The following TMEM117 variants were observed in gnomAD, a reference collection of about 807,000 sequenced individuals.
TMEM117 encodes the protein transmembrane protein 117.
A neutral mutation model predicts 52.4 loss-of-function variants in TMEM117; 27 were observed. That is an observed-to-expected ratio of 0.51 (90% CI 0.38 to 0.71). TMEM117 has a LOEUF of 0.71. TMEM117 is among the 30% of genes least tolerant of loss of function. The pLI, the probability that TMEM117 is intolerant of heterozygous loss-of-function variation, is 0.00. For missense variants in TMEM117, 556 were observed against 630.5 expected (o/e 0.88, Z 1.26); for synonymous variants, 215 against 206.3 (o/e 1.04, Z -0.36).
chr12:44,215,729 T>A (rs199618577), intron 5 of TMEM117, among the ~76,000 whole-genome samples: 18,463 of 147,080 alleles, frequency 0.13, 2,922 homozygotes, highest in African/African-American at 0.37. Context: ...TAGCTTTTTT[T>A]AAAAAAAAAA....
intron 5 of TMEM117, among the ~76,000 whole-genome samples, chr12:44,263,200 A>G (rs1029406504): frequency 2.0e-5 from 3 of 152,194 alleles, no homozygotes; most frequent in Non-Finnish European, 4.4e-5. Context: ...TTTCTCAGAA[A>G]TCTGCTTCTC....
chr12:44,105,795 A>G (rs1388657693), intron 3 of TMEM117, among the ~76,000 whole-genome samples: 1 of 152,064 alleles, frequency 6.6e-6, no homozygotes, highest in Non-Finnish European at 1.5e-5. Context: ...TAGGCATCAT[A>G]AAACAGTTTC....
intron 2 of TMEM117, among the ~76,000 whole-genome samples, chr12:43,858,391 C>G (rs140722096): frequency 6.6e-6 from 1 of 152,296 alleles, no homozygotes; most frequent in Non-Finnish European, 1.5e-5. Context: ...TGCCTGTGTT[C>G]TGGCATCTTT....
chr12:44,199,524 A>G (rs1034902237), intron 4 of TMEM117, among the ~76,000 whole-genome samples: 2 of 152,192 alleles, frequency 1.3e-5, no homozygotes, highest in African/African-American at 4.8e-5. Flanking sequence ...GAAATTGAAT[A>G]AAATATCAAC....
chr12:44,281,185 T>C (rs1439876097), intron 5 of TMEM117, among the ~76,000 whole-genome samples: 1 of 152,234 alleles, frequency 6.6e-6, no homozygotes, highest in Admixed American at 6.5e-5. Flanking sequence ...TGATCTTTCA[T>C]TGTGACATGA....
chr12:44,261,143 A>G (rs1227034264), intron 5 of TMEM117, among the ~76,000 whole-genome samples: 1 of 152,174 alleles, frequency 6.6e-6, no homozygotes, highest in East Asian at 1.9e-4. Context: ...CAATTAAAAA[A>G]TCAATAATGT....
At chr12:44,261,697 G>A (rs1007792592) in intron 5 of TMEM117, among the ~76,000 whole-genome samples, 12 of 152,214 alleles carry the variant, frequency 7.9e-5, no homozygotes, top group South Asian at 6.2e-4. Flanking sequence ...ATGACATTTC[G>A]CTTATAAAGA....
At chr12:43,797,647 CTA>C in the TMEM117 span, 19 of 1,567,540 alleles carry the variant, frequency 1.2e-5, no homozygotes, top group African/African-American at 1.9e-4. Flanking sequence ...ATAATAAACC[CTA>C]TATGAGTCAT....
chr12:44,015,017 T>C (rs565485869), intron 3 of TMEM117, among the ~76,000 whole-genome samples: 6 of 152,100 alleles, frequency 3.9e-5, no homozygotes, highest in African/African-American at 9.6e-5. Flanking sequence ...TGAAAAACCT[T>C]AGCAAACTTG....
chr12:44,051,914 CAA>C (rs1946979580), intron 3 of TMEM117, among the ~76,000 whole-genome samples: 1 of 152,122 alleles, frequency 6.6e-6, no homozygotes, highest in African/African-American at 2.4e-5. Context: ...GTGGGCAAGT[CAA>C]CATGATGCAT....
intron 2 of TMEM117, among the ~76,000 whole-genome samples, chr12:43,897,366 C>A (rs1944223583): frequency 6.9e-6 from 1 of 145,826 alleles, no homozygotes; most frequent in South Asian, 2.2e-4. Context: ...GGCTGGGGTA[C>A]AATGGCATGA....
chr12:43,797,221 G>T, the TMEM117 span: 1 of 1,486,436 alleles, frequency 6.7e-7, no homozygotes, highest in Non-Finnish European at 9.1e-7. Flanking sequence ...AGCCCTCTGG[G>T]CAAGAAATAA....
At chr12:44,117,902 T>C (rs924597470) in intron 3 of TMEM117, among the ~76,000 whole-genome samples, 1 of 152,176 alleles carries the variant, frequency 6.6e-6, no homozygotes, top group Non-Finnish European at 1.5e-5. Flanking sequence ...TATTGAGATA[T>C]ATGGACTATC....
intron 3 of TMEM117, among the ~76,000 whole-genome samples, chr12:44,015,133 T>C (rs182670265): frequency 4.1e-4 from 63 of 152,266 alleles, no homozygotes; most frequent in African/African-American, 1.5e-3. Flanking sequence ...TTGGCTGTTA[T>C]TACTCGTACT....
intron 6 of TMEM117, among the ~76,000 whole-genome samples, chr12:44,319,092 C>T (rs188792543): frequency 9.8e-4 from 150 of 152,326 alleles, no homozygotes; most frequent in African/African-American, 3.4e-3. Flanking sequence ...ACTGTCCACA[C>T]GCACCATTCA....
chr12:44,387,374 C>T (rs1046987233), intron 7 of TMEM117, among the ~76,000 whole-genome samples: 1 of 151,608 alleles, frequency 6.6e-6, no homozygotes, highest in African/African-American at 2.4e-5. Context: ...GTTGCAATCT[C>T]TTCAAATATA....
intron 3 of TMEM117, among the ~76,000 whole-genome samples, chr12:43,985,273 T>G (rs1260272787): frequency 2.6e-5 from 4 of 152,046 alleles, no homozygotes; most frequent in Admixed American, 2.0e-4. Flanking sequence ...AACAGCAGGA[T>G]CCTGCCAAAG....
intron 3 of TMEM117, among the ~76,000 whole-genome samples, chr12:44,026,073 G>GCACAC (rs1946529122): frequency 6.6e-6 from 1 of 152,202 alleles, no homozygotes; most frequent in Non-Finnish European, 1.5e-5. Flanking sequence ...TGACTGGTTT[G>GCACAC]TGGCTATAGC....
At chr12:44,361,974 C>A (rs937876904) in intron 6 of TMEM117, among the ~76,000 whole-genome samples, 3 of 152,140 alleles carry the variant, frequency 2.0e-5, no homozygotes, top group Non-Finnish European at 4.4e-5. Flanking sequence ...TAAGATCTAG[C>A]AGAGCACTGG....
Sources: gnomAD v4.1 joint callset for allele counts (sites outside exome capture counted in the v4.1 genomes callset) on GRCh38, gnomAD v4.1.1 for gene constraint, MANE v1.5 for transcripts, NCBI Gene and HGNC (gene_info 2026-07-23, HGNC 2026-07-21) for gene names.